MMP26: variants seen among roughly 807,000 people sequenced by gnomAD.
The protein encoded by MMP26 is matrix metalloproteinase-26.
A neutral mutation model predicts 31.0 loss-of-function variants in MMP26; 33 were observed. The observed-to-expected ratio is 1.06, with a 90% CI of 0.81 to 1.42. The LOEUF is 1.42. MMP26 is among the 40% of genes most tolerant of loss of function. MMP26 has a pLI of 0.00. For synonymous variants in MMP26, 122 were observed against 114.9 expected (o/e 1.06, Z -0.40); for missense variants, 347 against 316.1 (o/e 1.10, Z -0.74).
chr11:4,735,032 G>A (rs897012344), intron 1 of MMP26, among the ~76,000 whole-genome samples: 4 of 152,146 alleles, frequency 2.6e-5, no homozygotes, highest in African/African-American at 7.2e-5. Flanking sequence ...ATATGGAGCC[G>A]GGGTGAGACA....
intron 1 of MMP26, among the ~76,000 whole-genome samples, chr11:4,759,684 A>G (rs1001016274): frequency 3.9e-5 from 6 of 152,208 alleles, no homozygotes; most frequent in African/African-American, 1.4e-4. Context: ...GCTATATCCT[A>G]TGATTAGTGG....
At chr11:4,794,654 G>A (rs1233953009) in intron 2 of MMP26, among the ~76,000 whole-genome samples, 1 of 152,106 alleles carries the variant, frequency 6.6e-6, no homozygotes, top group Admixed American at 6.5e-5. Context: ...AAACTGTTAG[G>A]AATAGATAAG....
At chr11:4,713,907 G>T (rs959857609) in intron 1 of MMP26, among the ~76,000 whole-genome samples, 2 of 152,054 alleles carry the variant, frequency 1.3e-5, no homozygotes, top group African/African-American at 4.8e-5. Flanking sequence ...AACTATAAAA[G>T]AACATGAAGT....
At chr11:4,944,787 T>C (rs1316449923) in intron 2 of MMP26, 2 of 152,176 alleles carry the variant, frequency 1.3e-5, no homozygotes, top group East Asian at 3.9e-4. Flanking sequence ...CTTTTTTTTT[T>C]CCTGTTTTAA....
chr11:4,706,442 G>A lies in MMP26; in HGVS notation c.-217+1397G>A, dbSNP rs1167168070. 2.0e-5 allele frequency among the ~76,000 whole-genome samples: 3 copies of A among 151,682 alleles called. No homozygotes were observed. In the East Asian group the frequency reaches 5.8e-4, roughly 29 times the overall value. ...CCAGGCATGATGGTGTGTGCCTGTA[G>A]TCTCAGCTACTTTACAGGTTCTTTA... On this transcript the variant is annotated intron_variant, in intron 1 of 7. Coordinates refer to ENST00000380390, the MANE Select transcript of MMP26 (RefSeq NM_021801.5).
chr11:4,849,057 C>A (rs1254430073), intron 2 of MMP26: 2 of 1,613,866 alleles, frequency 1.2e-6, no homozygotes, highest in Non-Finnish European at 1.7e-6. Flanking sequence ...GAGGATGGTG[C>A]CATTTCCCAG....
At chr11:4,935,190 G>A (rs1411886830) in intron 2 of MMP26, among the ~76,000 whole-genome samples, 1 of 151,734 alleles carries the variant, frequency 6.6e-6, no homozygotes, top group African/African-American at 2.4e-5. Context: ...TCACGATATT[G>A]ATTCTTCCTA....
chr11:4,769,647 C>A (rs769786277), intron 2 of MMP26: 4 of 1,613,268 alleles, frequency 2.5e-6, no homozygotes, highest in Non-Finnish European at 2.5e-6. Flanking sequence ...ATTTCACGTG[C>A]CTCAAACCAG....
At chr11:4,832,034 A>G (rs889154130) in intron 2 of MMP26, 7 of 152,170 alleles carry the variant, frequency 4.6e-5, no homozygotes, top group African/African-American at 1.7e-4. Flanking sequence ...TTAACCAACA[A>G]CTGAACTTAA....
At chr11:4,722,577 G>A (rs1848029194) in intron 1 of MMP26, among the ~76,000 whole-genome samples, 1 of 151,024 alleles carries the variant, frequency 6.6e-6, no homozygotes, top group African/African-American at 2.4e-5. Flanking sequence ...CGGGCAAGGG[G>A]TGTCCTCAGG....
chr11:4,867,152 C>T (rs1263479272), intron 2 of MMP26, among the ~76,000 whole-genome samples: 1 of 152,070 alleles, frequency 6.6e-6, no homozygotes. Context: ...AGACAACATA[C>T]AGAAAAGGAG....
intron 2 of MMP26, among the ~76,000 whole-genome samples, chr11:4,812,442 T>G (rs533431220): frequency 1.1e-4 from 16 of 152,210 alleles, no homozygotes; most frequent in African/African-American, 3.9e-4. Flanking sequence ...ACAGCCACAG[T>G]AGAACGCGTG....
intron 1 of MMP26, among the ~76,000 whole-genome samples, chr11:4,757,603 A>G (rs745475191): frequency 8.0e-5 from 12 of 150,622 alleles, no homozygotes; most frequent in Non-Finnish European, 8.9e-5. Flanking sequence ...AACTCAATAA[A>G]GAGACAAACA....
chr11:4,775,751 A>G (rs542939557), intron 2 of MMP26, among the ~76,000 whole-genome samples: 3 of 150,860 alleles, frequency 2.0e-5, no homozygotes, highest in Non-Finnish European at 4.4e-5. Flanking sequence ...AGTGAGTGAG[A>G]GAGAGAGAGA....
chr11:4,942,241 A>C (rs894159535), intron 2 of MMP26, among the ~76,000 whole-genome samples: 2 of 152,026 alleles, frequency 1.3e-5, no homozygotes, highest in Non-Finnish European at 2.9e-5. Flanking sequence ...TACATTAAAA[A>C]AAGTTTTAAT....
intron 2 of MMP26, among the ~76,000 whole-genome samples, chr11:4,826,006 G>T (rs1218180485): frequency 6.6e-6 from 1 of 152,044 alleles, no homozygotes; most frequent in African/African-American, 2.4e-5. Context: ...GAGTTATAAA[G>T]AATTCAGTAG....
intron 2 of MMP26, among the ~76,000 whole-genome samples, chr11:4,909,708 C>T (rs548345136): frequency 6.6e-6 from 1 of 152,194 alleles, no homozygotes; most frequent in Non-Finnish European, 1.5e-5. Flanking sequence ...TAAAACTTCC[C>T]CTGGGTTCTC....
intron 2 of MMP26, among the ~76,000 whole-genome samples, chr11:4,866,670 C>T (rs1196505372): frequency 1.3e-5 from 2 of 152,158 alleles, no homozygotes; most frequent in Non-Finnish European, 2.9e-5. Context: ...ATTACGCCAC[C>T]TGACTTCAAA....
intron 1 of MMP26, among the ~76,000 whole-genome samples, chr11:4,738,447 G>A (rs77530357): frequency 0.014 from 2,132 of 152,228 alleles, 49 homozygotes; most frequent in African/African-American, 0.049. Context: ...CCAGAAAAGT[G>A]AAGTTCTATC....
Sources: gnomAD v4.1 joint callset for allele counts (sites outside exome capture counted in the v4.1 genomes callset) on GRCh38, gnomAD v4.1.1 for gene constraint, MANE v1.5 for transcripts, NCBI Gene and HGNC (gene_info 2026-07-23, HGNC 2026-07-21) for gene names.